The following GRID2 variants were observed in gnomAD, a reference collection of about 807,000 sequenced individuals.
The protein encoded by GRID2 is glutamate receptor ionotropic, delta-2.
In GRID2, 33 loss-of-function variants were observed where a neutral mutation model predicts 114.8. The ratio of observed to expected loss-of-function variants is 0.29; its 90% CI spans 0.22 to 0.38. GRID2 has a LOEUF of 0.38. GRID2 is among the 10% of genes least tolerant of loss of function. GRID2 has a pLI of 1.00. For synonymous variants in GRID2, 505 were observed against 449.9 expected (o/e 1.12, Z -1.55); for missense variants, 1,184 against 1,257.7 (o/e 0.94, Z 0.89).
intron 14 of GRID2, among the ~76,000 whole-genome samples, chr4:93,728,969 G>A (rs1225676355): frequency 6.6e-6 from 1 of 152,100 alleles, no homozygotes; most frequent in Non-Finnish European, 1.5e-5. Context: ...TTTAATTGGA[G>A]CATTTAGCCC....
At chr4:92,655,509 A>G (rs535043942) in intron 2 of GRID2, among the ~76,000 whole-genome samples, 1 of 152,014 alleles carries the variant, frequency 6.6e-6, no homozygotes, top group African/African-American at 2.4e-5. Context: ...ATCTGTGAGC[A>G]TGGGTTGTCT....
At chr4:93,003,204 A>C (rs751882976) in intron 2 of GRID2, among the ~76,000 whole-genome samples, 2 of 151,896 alleles carry the variant, frequency 1.3e-5, no homozygotes, top group Non-Finnish European at 2.9e-5. Context: ...CAGTCTATAG[A>C]ATTATTTATT....
At chr4:92,616,029 A>T (rs1412944059) in intron 2 of GRID2, among the ~76,000 whole-genome samples, 1 of 151,666 alleles carries the variant, frequency 6.6e-6, no homozygotes, top group South Asian at 2.1e-4. Context: ...AAAATAAACT[A>T]TGTACACTAT....
rs138365531 is a variant in GRID2 at position 92,834,935 on chromosome 4, C to T, written c.244+244649C>T. Among the ~76,000 whole-genome samples the T allele has an allele frequency of 5.8e-3, 879 of 152,134 alleles. 16 individuals are homozygous for T. Among genetic ancestry groups the T allele is most frequent in the African/African-American group, 0.02 (832 of 41,526 alleles). ...ATCAAGTGAAACTGCCCTGTTACTT[C>T]GCCTTGGAAATGTATGATGAGACCC... On this transcript the variant is annotated intron_variant, in intron 2 of 15. Coordinates refer to ENST00000282020, the MANE Select transcript of GRID2 (RefSeq NM_001510.4).
At position 92,906,947 on chromosome 4, in the gene GRID2, A is replaced by C. The variant is rs551150129; in HGVS notation, c.245-178048A>C. On this transcript the variant is annotated intron_variant, in intron 2 of 15. Coordinates refer to ENST00000282020, the MANE Select transcript of GRID2 (RefSeq NM_001510.4). ...AGGAGTGCAGAATATGAGGCCCCAC[A>C]CCAGACGTACTCAACGAGAATCAAC... is the stretch of plus-strand genomic sequence containing the variant. Among the ~76,000 whole-genome samples, 8 of 152,312 alleles carry C rather than the reference A, an allele frequency of 5.3e-5. No homozygotes were observed. In the South Asian group the frequency reaches 1.7e-3, roughly 32 times the overall value.
intron 2 of GRID2, among the ~76,000 whole-genome samples, chr4:93,046,311 T>G (rs1726131023): frequency 6.6e-6 from 1 of 152,070 alleles, no homozygotes; most frequent in Non-Finnish European, 1.5e-5. Context: ...GCATCTGGCA[T>G]CTAGCTTTTG....
Position 93,727,992 on chromosome 4 carries a change from C to G in GRID2, c.2361-41218C>G, listed in dbSNP as rs545240661. ...TTTTGTGTCTCTATGTCCTTCAGTTCTGCTCTGATCTTAGTTATTTCTTGC... is the reference window on the plus strand; with the variant it reads ...TTTTGTGTCTCTATGTCCTTCAGTTGTGCTCTGATCTTAGTTATTTCTTGC... On this transcript the variant is annotated intron_variant, in intron 14 of 15. Coordinates refer to ENST00000282020, the MANE Select transcript of GRID2 (RefSeq NM_001510.4). Among the ~76,000 whole-genome samples the G allele has an allele frequency of 9.9e-5, 15 of 152,224 alleles. No homozygotes were observed. In the East Asian group the frequency reaches 2.7e-3, roughly 27 times the overall value.
At chr4:93,403,267 G>A (rs1014966262) in intron 9 of GRID2, among the ~76,000 whole-genome samples, 3 of 152,116 alleles carry the variant, frequency 2.0e-5, no homozygotes, top group African/African-American at 7.2e-5. Context: ...TAAGTGCCAT[G>A]TAATAATCCT....
intron 4 of GRID2, among the ~76,000 whole-genome samples, chr4:93,206,229 A>C (rs531567309): frequency 3.9e-5 from 6 of 152,212 alleles, no homozygotes; most frequent in Admixed American, 3.9e-4. Context: ...CCAAGTGTTA[A>C]AAAACAAAGA....
intron 10 of GRID2, among the ~76,000 whole-genome samples, chr4:93,445,058 G>A (rs72668727): frequency 0.013 from 1,938 of 152,050 alleles, 16 homozygotes; most frequent in South Asian, 0.055. Context: ...CTAAATTGTA[G>A]CCAATGATAT....
intron 2 of GRID2, among the ~76,000 whole-genome samples, chr4:92,857,473 G>T (rs1744254119): frequency 6.6e-6 from 1 of 152,138 alleles, no homozygotes; most frequent in African/African-American, 2.4e-5. Context: ...AAGTTTTAGT[G>T]GTCTGGATAG....
At chr4:93,236,639 C>T (rs899526185) in intron 7 of GRID2, among the ~76,000 whole-genome samples, 6 of 151,904 alleles carry the variant, frequency 3.9e-5, no homozygotes, top group African/African-American at 1.4e-4. Context: ...TTCCAATTGG[C>T]AGGGAAATTA....
At chr4:93,023,555 A>G (rs978386334) in intron 2 of GRID2, among the ~76,000 whole-genome samples, 1 of 151,952 alleles carries the variant, frequency 6.6e-6, no homozygotes, top group Non-Finnish European at 1.5e-5. Flanking sequence ...GAATTAAAAT[A>G]TGTAATTTTT....
At chr4:92,728,264 C>G (rs1736156762) in intron 2 of GRID2, among the ~76,000 whole-genome samples, 1 of 152,004 alleles carries the variant, frequency 6.6e-6, no homozygotes. Flanking sequence ...CAAATTACCC[C>G]AAATGTTACA....
rs147537625 is a variant in GRID2 at position 92,944,845 on chromosome 4, T to G, written c.245-140150T>G. Among the ~76,000 whole-genome samples the G allele has an allele frequency of 4.8e-4, 73 of 152,300 alleles. No homozygotes were observed. In the East Asian group the frequency reaches 0.012, roughly 25 times the overall value. On this transcript the variant is annotated intron_variant, in intron 2 of 15. Coordinates refer to ENST00000282020, the MANE Select transcript of GRID2 (RefSeq NM_001510.4). ...ATATGTAAGTCTTACCCTTTGGAGT[T>G]TACTGTCCAAAGGGCAAACCTTATA... is the stretch of plus-strand genomic sequence containing the variant.
intron 2 of GRID2, among the ~76,000 whole-genome samples, chr4:92,611,578 A>G (rs973622498): frequency 6.6e-6 from 1 of 151,592 alleles, no homozygotes; most frequent in African/African-American, 2.4e-5. Context: ...TTACTAGGGT[A>G]GATATTTAGG....
intron 8 of GRID2, among the ~76,000 whole-genome samples, chr4:93,288,831 TTA>T (rs1165000991): frequency 7.2e-5 from 11 of 152,202 alleles, no homozygotes; most frequent in Admixed American, 2.0e-4. Context: ...TGCTTAATTT[TTA>T]TGTTTTCCCT....
chr4:92,930,432 T>A (rs1193878735), intron 2 of GRID2, among the ~76,000 whole-genome samples: 1 of 151,226 alleles, frequency 6.6e-6, no homozygotes, highest in Non-Finnish European at 1.5e-5. Flanking sequence ...TAAAAAATAT[T>A]AAAGAAGGCT....
chr4:93,578,989 C>T lies in GRID2; in HGVS notation c.2194-47280C>T, dbSNP rs368951157. On this transcript the variant is annotated intron_variant, in intron 13 of 15. Transcript: ENST00000282020. ...TTGATTTCCTCTTTATGAAGGACTT[C>T]GTAGGAGCATTTCTGGAGAGCAATT... Among the ~76,000 whole-genome samples, 41 of 152,214 alleles carry T rather than the reference C, an allele frequency of 2.7e-4. 1 individual carries two copies. The highest frequency in any genetic ancestry group is 5.3e-4 in the African/African-American group (22 of 41,530).
Sources: allele counts gnomAD v4.1 joint callset (sites outside exome capture counted in the v4.1 genomes callset), GRCh38; gene constraint gnomAD v4.1.1; transcripts MANE v1.5; gene names NCBI Gene and HGNC (gene_info 2026-07-23, HGNC 2026-07-21).